BRWD1: variants seen among roughly 807,000 people sequenced by gnomAD.
BRWD1 encodes the protein bromodomain and WD repeat-containing protein 1.
In BRWD1, 82 loss-of-function variants were observed where a neutral mutation model predicts 251.2. That is an observed-to-expected ratio of 0.33 (90% CI 0.27 to 0.39). The LOEUF (loss-of-function observed/expected upper bound fraction) is 0.39, where lower values mean the gene tolerates loss of function less well. Among genes scored for constraint, BRWD1 ranks in the 10% least tolerant of loss-of-function variants. BRWD1 has a pLI of 1.00. For missense variants in BRWD1, 2,233 were observed against 2,711.6 expected (o/e 0.82, Z 3.92); for synonymous variants, 918 against 902.8 (o/e 1.02, Z -0.30).
At chr21:39,286,525 T>C in intron 8 of BRWD1, among the ~76,000 whole-genome samples, 1 of 135,818 alleles carries the variant, frequency 7.4e-6, no homozygotes, top group East Asian at 1.9e-4. Context: ...TTGTACTTTT[T>C]TTTTTTTGAG....
chr21:39,301,885 A>T, intron 4 of BRWD1, among the ~76,000 whole-genome samples: 1 of 134,756 alleles, frequency 7.4e-6, no homozygotes, highest in African/African-American at 2.9e-5. Context: ...GAACATCTTT[A>T]CTGTGCCGAA....
In BRWD1 at chr21:39,215,268, T is replaced by C; in HGVS notation, c.3754A>G (p.Lys1252Glu). Residue 1252 changes from lysine (K) to glutamate (E), a missense_variant, in exon 32 of 41, where the codon AAG (lysine) becomes GAG (glutamate). Coordinates refer to ENST00000342449, the MANE Select transcript of BRWD1 (RefSeq NM_033656.4). ...AATTTTAAAAGTTGGTCAGTTATCT[T>C]TTTAGCTGATCTTGCAATTACACTC... Reference protein sequence around the residue: ...PESVIARSAKKITDQLLKFIK... With the variant: ...PESVIARSAKEITDQLLKFIK... 1 of 1,612,616 alleles carries C rather than the reference T, an allele frequency of 6.2e-7. No homozygotes were observed. The highest frequency in any genetic ancestry group is 8.5e-7 in the Non-Finnish European group (1 of 1,178,734).
chr21:39,250,541 A>G (rs2034360780), intron 20 of BRWD1, among the ~76,000 whole-genome samples: 1 of 151,472 alleles, frequency 6.6e-6, no homozygotes, highest in South Asian at 2.1e-4. Flanking sequence ...ACAATTCAGA[A>G]TCAAATAATT....
At chr21:39,271,128 A>G (rs1437466451) in intron 13 of BRWD1, among the ~76,000 whole-genome samples, 1 of 151,758 alleles carries the variant, frequency 6.6e-6, no homozygotes, top group Admixed American at 6.6e-5. Flanking sequence ...CCCCGTCTCT[A>G]CTAAAAATAC....
intron 13 of BRWD1, among the ~76,000 whole-genome samples, chr21:39,272,370 C>CA (rs920494651): frequency 2.1e-5 from 3 of 146,128 alleles, no homozygotes; most frequent in African/African-American, 5.1e-5. Context: ...ACTAAAAATA[C>CA]AAAAAAAATT....
intron 18 of BRWD1, 87 bp from the exon 19 acceptor site, chr21:39,255,915 T>C (rs776688911): frequency 2.5e-6 from 3 of 1,181,692 alleles, no homozygotes; most frequent in East Asian, 2.5e-5. Flanking sequence ...TCACCTAAGA[T>C]GCGCACCAAA....
intron 15 of BRWD1, 47 bp downstream of exon 15, chr21:39,269,852 T>C (rs1373411091): frequency 7.2e-7 from 1 of 1,397,792 alleles, no homozygotes; most frequent in East Asian, 2.6e-5. Context: ...CCAAATACTC[T>C]AAACAAATTA....
intron 32 of BRWD1, among the ~76,000 whole-genome samples, chr21:39,214,806 G>A (rs1439853129): frequency 6.6e-6 from 1 of 150,702 alleles, no homozygotes; most frequent in Non-Finnish European, 1.5e-5. Context: ...TGTATGTAAA[G>A]AAATGTCATC....
At chr21:39,301,851 A>C (rs2036122340) in intron 4 of BRWD1, among the ~76,000 whole-genome samples, 1 of 151,428 alleles carries the variant, frequency 6.6e-6, no homozygotes, top group East Asian at 1.9e-4. Flanking sequence ...TAAATTTCCA[A>C]CATTAGGAAG....
intron 32 of BRWD1, among the ~76,000 whole-genome samples, chr21:39,214,869 A>AT (rs920764489): frequency 1.6e-5 from 2 of 122,084 alleles, no homozygotes; most frequent in East Asian, 4.4e-4. Context: ...AAACTAGATG[A>AT]TTTTTTTTTC....
At chr21:39,226,783 G>C (rs2033401884) in intron 27 of BRWD1, among the ~76,000 whole-genome samples, 1 of 152,178 alleles carries the variant, frequency 6.6e-6, no homozygotes, top group South Asian at 2.1e-4. Flanking sequence ...AGATGAGGAT[G>C]ATTAGGGACT....
At position 39,189,415 on chromosome 21, in the gene BRWD1, T is replaced by C. The variant is rs2031426802; in HGVS notation, c.*6844A>G. The C allele has an allele frequency of 2.1e-6, 2 of 969,952 alleles. No homozygotes were observed. The highest frequency in any genetic ancestry group is 9.5e-5 in the South Asian group (2 of 20,986). 60.1% of individuals were successfully genotyped at this position (969,952 alleles called of 1,614,324 possible). ...GACAATTTAGGAACCTAGTAAATAC[T>C]AATTCTAACACATTTTAATAAATGT... On this transcript the variant is annotated 3_prime_UTR_variant, in exon 41 of 41. Transcript: ENST00000342449.
rs1216618028 is a variant in BRWD1 at position 39,296,178 on chromosome 21, T to G, written c.448+87A>C. On this transcript the variant is annotated intron_variant, in intron 6 of 40. Coordinates refer to ENST00000342449, the MANE Select transcript of BRWD1 (RefSeq NM_033656.4). The stretch of plus-strand genomic sequence containing the variant: ...AAACAACATTTCAACCAGTATTTCC[T>G]TTTAAATTTTAATACAGCATTTATA... 2.7e-5 allele frequency: 30 copies of G among 1,125,296 alleles called. No homozygotes were observed. In the South Asian group the frequency reaches 4.6e-4, roughly 17 times the overall value. 69.7% of individuals were successfully genotyped at this position (1,125,296 alleles called of 1,614,324 possible).
intron 8 of BRWD1, among the ~76,000 whole-genome samples, chr21:39,290,572 C>T (rs1026054910): frequency 2.0e-5 from 3 of 152,002 alleles, no homozygotes; most frequent in African/African-American, 7.3e-5. Flanking sequence ...TGTGAGCCCC[C>T]GTTACAAGAA....
chr21:39,314,029 G>C (rs1277738837), upstream of BRWD1: 1 of 455,484 alleles, frequency 2.2e-6, no homozygotes, highest in Non-Finnish European at 4.4e-6. Context: ...GACCGCAGGG[G>C]CCCCGAGTCG....
intron 21 of BRWD1, among the ~76,000 whole-genome samples, chr21:39,244,921 A>AATATAT (rs56801824): frequency 0.018 from 2,048 of 112,512 alleles, 114 homozygotes; most frequent in African/African-American, 0.055. Context: ...CTTTGGAAGA[A>AATATAT]ATATATATAT....
intron 21 of BRWD1, among the ~76,000 whole-genome samples, chr21:39,241,460 T>G (rs2033989466): frequency 1.4e-5 from 1 of 73,976 alleles, no homozygotes; most frequent in African/African-American, 5.0e-5. Flanking sequence ...AGAGCAAGAT[T>G]CCATCTCCAA....
chr21:39,313,598 C>T lies in BRWD1; in HGVS notation c.-107G>A. 2.4e-6 allele frequency: 2 copies of T among 845,220 alleles called. No individual in the cohort carries two copies. Among genetic ancestry groups the T allele is most frequent in the Non-Finnish European group, 1.6e-6 (1 of 643,512 alleles). 52.4% of individuals were successfully genotyped at this position (845,220 alleles called of 1,614,324 possible). A position where few individuals can be genotyped will look rare whatever the true frequency, so the allele number is the denominator to read the frequency against. On this transcript the variant is annotated 5_prime_UTR_variant, in exon 1 of 41. Transcript: ENST00000342449. Reference sequence around the variant, plus strand: ...CCCTCTTCTCAGGCGCGCGCCGCCGCCGCCGCCGCCGCCGCCATACCGTGC... The same window carrying T: ...CCCTCTTCTCAGGCGCGCGCCGCCGTCGCCGCCGCCGCCGCCATACCGTGC...
rs982835763 is a variant in BRWD1, at chr21:39,203,453, T to C, written c.4365-908A>G. Among the ~76,000 whole-genome samples the C allele has an allele frequency of 1.9e-4, 27 of 140,526 alleles. 1 individual carries two copies. The South Asian group carries it at 6.3e-3, about 33-fold the overall frequency. The allele number at this position is 140,526 out of a possible 152,430, so 92.2% of individuals were successfully genotyped here. A position where few individuals can be genotyped will look rare whatever the true frequency, so the allele number is the denominator to read the frequency against. ...GACCCTGGTTCTTTTTTTTTTTTTT[T>C]TTTTTTTTTGAGACAGAGTCTCTGC... On this transcript the variant is annotated intron_variant, in intron 37 of 40. Coordinates refer to ENST00000342449, the MANE Select transcript of BRWD1 (RefSeq NM_033656.4).
Sources: gnomAD v4.1 joint callset for allele counts (sites outside exome capture counted in the v4.1 genomes callset) on GRCh38, gnomAD v4.1.1 for gene constraint, MANE v1.5 for transcripts, NCBI Gene and HGNC (gene_info 2026-07-23, HGNC 2026-07-21) for gene names.